The following FAF1 variants were observed in gnomAD, a reference collection of about 807,000 sequenced individuals.
The protein encoded by FAF1 is FAS-associated factor 1.
In FAF1, 25 loss-of-function variants were observed where a neutral mutation model predicts 92.5. That is an observed-to-expected ratio of 0.27 (90% CI 0.20 to 0.38). The LOEUF (loss-of-function observed/expected upper bound fraction) is 0.38. FAF1 is among the 10% of genes least tolerant of loss of function. The pLI is 1.00. For missense variants in FAF1, 636 were observed against 793.3 expected (o/e 0.80, Z 2.38); for synonymous variants, 234 against 273.2 (o/e 0.86, Z 1.42).
At chr1:50,516,837 T>C (rs1198713288) in intron 15 of FAF1, among the ~76,000 whole-genome samples, 1 of 152,204 alleles carries the variant, frequency 6.6e-6, no homozygotes, top group East Asian at 1.9e-4. Context: ...GATAAGAGAT[T>C]TTCACAAACA....
chr1:50,622,220 G>C (rs533024911), intron 8 of FAF1, among the ~76,000 whole-genome samples: 2 of 151,898 alleles, frequency 1.3e-5, no homozygotes, highest in East Asian at 3.9e-4. Flanking sequence ...CAGCTCACAT[G>C]TCCATGGAGG....
chr1:50,947,859 C>T (rs1645182816), intron 1 of FAF1, among the ~76,000 whole-genome samples: 1 of 152,076 alleles, frequency 6.6e-6, no homozygotes, highest in Non-Finnish European at 1.5e-5. Context: ...AATACATAAA[C>T]ATTTACAATT....
At chr1:50,640,833 T>TA (rs1378790878) in intron 8 of FAF1, among the ~76,000 whole-genome samples, 2 of 121,026 alleles carry the variant, frequency 1.7e-5, no homozygotes, top group African/African-American at 5.6e-5. Context: ...CAGCTGATTT[T>TA]TTTTTTTTTT....
chr1:50,674,586 T>C (rs1041528602), intron 7 of FAF1, among the ~76,000 whole-genome samples: 15 of 152,314 alleles, frequency 9.8e-5, no homozygotes, highest in South Asian at 6.2e-4. Context: ...CAAGTGAATA[T>C]TGTCATGCAG....
At chr1:50,540,546 CAA>C (rs1168594023) in intron 13 of FAF1, among the ~76,000 whole-genome samples, 3 of 151,696 alleles carry the variant, frequency 2.0e-5, no homozygotes, top group Admixed American at 6.6e-5. Context: ...AGCTTTTGAC[CAA>C]AAAAAGCTCT....
chr1:50,580,600 G>A (rs1572847586), intron 12 of FAF1, among the ~76,000 whole-genome samples: 2 of 151,880 alleles, frequency 1.3e-5, no homozygotes, highest in East Asian at 3.9e-4. Context: ...AATTAAGAAA[G>A]TGATCATATA....
At chr1:50,683,748 C>T (rs1436702494) in intron 7 of FAF1, among the ~76,000 whole-genome samples, 3 of 151,734 alleles carry the variant, frequency 2.0e-5, no homozygotes, top group Non-Finnish European at 4.4e-5. Flanking sequence ...GCCTGACCAA[C>T]ACGGAGAAAC....
intron 18 of FAF1, among the ~76,000 whole-genome samples, chr1:50,444,547 TACAG>T (rs1646206448): frequency 1.3e-5 from 2 of 152,206 alleles, no homozygotes; most frequent in South Asian, 2.1e-4. Context: ...AACAACTTTT[TACAG>T]ACAGACAGCA....
At chr1:50,716,984 T>C (rs1441441640) in intron 6 of FAF1, among the ~76,000 whole-genome samples, 5 of 152,204 alleles carry the variant, frequency 3.3e-5, no homozygotes, top group Admixed American at 6.5e-5. Context: ...GGTCCGTGGC[T>C]TCATTCTTGA....
intron 2 of FAF1, among the ~76,000 whole-genome samples, chr1:50,833,951 G>A (rs774356325): frequency 4.6e-5 from 7 of 152,150 alleles, no homozygotes; most frequent in Admixed American, 2.6e-4. Context: ...GCATTCATCT[G>A]GTTTATCCCC....
intron 1 of FAF1, among the ~76,000 whole-genome samples, chr1:50,885,342 T>TCTCC (rs138529130): frequency 0.035 from 4,791 of 138,458 alleles, 161 homozygotes; most frequent in Non-Finnish European, 0.051. Flanking sequence ...TCTCTCTCTC[T>TCTCC]CAATATTTGC....
intron 3 of FAF1, among the ~76,000 whole-genome samples, chr1:50,792,060 T>C (rs1661581184): frequency 6.6e-6 from 1 of 152,202 alleles, no homozygotes; most frequent in Admixed American, 6.5e-5. Context: ...GATATGCCTA[T>C]TGAAACAAGT....
Position 50,518,568 on chromosome 1 carries a change from G to C in FAF1, c.1494+16801C>G, listed in dbSNP as rs1357694280. 3.9e-5 allele frequency among the ~76,000 whole-genome samples: 6 copies of C among 151,932 alleles called. No individual in the cohort carries two copies. The South Asian group carries it at 1.2e-3, about 32-fold the overall frequency. ...CCATTCTCCTGCCTCAGCCTCCTGA[G>C]TAGCTGGGACTACAGGTGCCTCCCA... is the stretch of plus-strand genomic sequence containing the variant. On this transcript the variant is annotated intron_variant, in intron 15 of 18. Transcript: ENST00000396153.
At position 50,582,613 on chromosome 1, in the gene FAF1, C is replaced by T. The variant is rs1651043160; in HGVS notation, c.1113+5G>A. The T allele has an allele frequency of 1.9e-6, 3 of 1,599,296 alleles. No individual in the cohort carries two copies. Among genetic ancestry groups the T allele is most frequent in the Admixed American group, 1.7e-5 (1 of 59,954 alleles). On this transcript the variant is annotated splice_donor_5th_base_variant and intron_variant, in intron 12 of 18. Coordinates refer to ENST00000396153, the MANE Select transcript of FAF1 (RefSeq NM_007051.3). ...TTTAATCAGAAAAGGTCAAACTGTA[C>T]TTACATCTCGGGCTTTCACATAGAA...
At chr1:50,869,405 T>C (rs193292947) in intron 1 of FAF1, among the ~76,000 whole-genome samples, 45 of 152,304 alleles carry the variant, frequency 3.0e-4, no homozygotes, top group African/African-American at 1.0e-3. Flanking sequence ...ACTTATTTTC[T>C]AATCATCCCA....
intron 18 of FAF1, among the ~76,000 whole-genome samples, chr1:50,466,171 G>C (rs1646492781): frequency 6.6e-6 from 1 of 152,178 alleles, no homozygotes; most frequent in African/African-American, 2.4e-5. Flanking sequence ...TTCAGTTGTA[G>C]AGGTAGTGAG....
At chr1:50,889,101 A>T (rs1369644780) in intron 1 of FAF1, among the ~76,000 whole-genome samples, 1 of 152,194 alleles carries the variant, frequency 6.6e-6, no homozygotes, top group African/African-American at 2.4e-5. Context: ...GGGAGGGTGT[A>T]TGTATCGAGG....
intron 4 of FAF1, among the ~76,000 whole-genome samples, chr1:50,764,962 T>G (rs1660510410): frequency 6.6e-6 from 1 of 152,242 alleles, no homozygotes. Flanking sequence ...TGTGGCTCTA[T>G]GTTAACACAA....
chr1:50,585,390 G>C (rs1363036431), intron 9 of FAF1, among the ~76,000 whole-genome samples: 1 of 152,136 alleles, frequency 6.6e-6, no homozygotes, highest in Non-Finnish European at 1.5e-5. Flanking sequence ...TAATAATAAT[G>C]TTTTAATTCA....
Sources: allele counts gnomAD v4.1 joint callset (sites outside exome capture counted in the v4.1 genomes callset), GRCh38; gene constraint gnomAD v4.1.1; transcripts MANE v1.5; gene names NCBI Gene and HGNC (gene_info 2026-07-23, HGNC 2026-07-21).